PRDM9: variants seen among roughly 807,000 people sequenced by gnomAD.
The protein encoded by PRDM9 is histone-lysine N-methyltransferase PRDM9.
PRDM9 carries 47 observed loss-of-function variants against 55.6 expected under a neutral mutation model. The observed-to-expected ratio is 0.85, with a 90% confidence interval of 0.67 to 1.08. PRDM9 has a LOEUF of 1.08. PRDM9 is among the 50% of genes least tolerant of loss of function. The pLI, the probability that PRDM9 is intolerant of heterozygous loss-of-function variation, is 0.00. For synonymous variants in PRDM9, 312 were observed against 375.7 expected, an observed-to-expected ratio of 0.83 and a Z score of 1.96; for missense variants, 867 against 1,040.3, an observed-to-expected ratio of 0.83 and a Z score of 2.29.
Position 23,524,338 on chromosome 5 carries a change from G to A in PRDM9, c.955G>A (p.Val319Met). 6.2e-7 allele frequency: 1 copy of A among 1,613,836 alleles called. No homozygotes were observed. Among genetic ancestry groups the A allele is most frequent in the Middle Eastern group, 1.6e-4 (1 of 6,062 alleles). ...CTTTGCCTGCCTTGACCCCAGGTAT[G>A]TGAACTGTGCCCGGGATGATGAAGA... ...DKSWANWMRYVNCARDDEEQN... is the reference protein window; with the variant it reads ...DKSWANWMRYMNCARDDEEQN... Residue 319 changes from valine (V) to methionine (M), a missense_variant, in exon 10 of 11, where the codon GTG becomes ATG. Physicochemically the swap from Val to Met is conservative, Grantham distance 21. Coordinates refer to ENST00000296682, the MANE Select transcript of PRDM9 (RefSeq NM_020227.4).
rs749571211 is a variant in PRDM9, at chr5:23,526,634, G to C, written c.1546G>C (p.Val516Leu). Residue 516 changes from valine (V) to leucine (L), a missense_variant, in exon 11 of 11, where the codon GTA becomes CTA. Coordinates refer to ENST00000296682, the MANE Select transcript of PRDM9 (RefSeq NM_020227.4). The part of the protein sequence containing the change: ...PGNTGKLFVG[V>L]GISRIAKVKY... Reference sequence around the variant, plus strand: ...GAACACAGGCAAATTATTTGTGGGGGTAGGAATCTCAAGAATTGCAAAAGT... The same window carrying C: ...GAACACAGGCAAATTATTTGTGGGGCTAGGAATCTCAAGAATTGCAAAAGT... 2 of 1,614,240 alleles carry C rather than the reference G, an allele frequency of 1.2e-6. No individual in the cohort carries two copies. Among genetic ancestry groups the C allele is most frequent in the Non-Finnish European group, 1.7e-6 (2 of 1,180,052 alleles).
rs147608831 is a variant in PRDM9 at position 23,516,617 on chromosome 5, G to A, written c.302-1264G>A. Among the ~76,000 whole-genome samples the A allele has an allele frequency of 3.7e-3, 561 of 151,516 alleles. 3 individuals are homozygous for A. Among genetic ancestry groups the A allele is most frequent in the African/African-American group, 0.013 (527 of 41,344 alleles). ...TCGATCTCCTGACCTCGTGATCTGC[G>A]CACCTCAACCTCCCAAAGTGCTGAG... On this transcript the variant is annotated intron_variant, in intron 4 of 10. Transcript: ENST00000296682.
At chr5:23,512,060 C>T (rs908870932) in intron 4 of PRDM9, among the ~76,000 whole-genome samples, 6 of 151,066 alleles carry the variant, frequency 4.0e-5, no homozygotes, top group African/African-American at 1.5e-4. Context: ...TGTAAATCCA[C>T]GAAAAAGCTT....
chr5:23,524,231 A>G, intron 9 of PRDM9, 103 bp from the exon 10 acceptor site: 1 of 1,441,146 alleles, frequency 6.9e-7, no homozygotes, highest in Middle Eastern at 1.7e-4. Flanking sequence ...AGTGGTCAGC[A>G]CTAGACCATG....
intron 4 of PRDM9, among the ~76,000 whole-genome samples, chr5:23,513,765 G>C (rs1579589621): frequency 1.3e-5 from 2 of 152,048 alleles, no homozygotes; most frequent in Admixed American, 1.3e-4. Flanking sequence ...TATAATCCCA[G>C]CTACTCGGTA....
At chr5:23,516,466 T>TCGTG (rs1739211833) in intron 4 of PRDM9, among the ~76,000 whole-genome samples, 1 of 148,830 alleles carries the variant, frequency 6.7e-6, no homozygotes, top group Non-Finnish European at 1.5e-5. Flanking sequence ...TCCACTTCCC[T>TCGTG]GGTTCACGCC....
intron 4 of PRDM9, among the ~76,000 whole-genome samples, chr5:23,513,307 T>A (rs2973617): frequency 0.099 from 15,015 of 152,172 alleles, 1,485 homozygotes; most frequent in African/African-American, 0.26. Context: ...GTAACAGTAT[T>A]AAGAGGTGGA....
chr5:23,510,377 T>C (rs2126407632), intron 4 of PRDM9, among the ~76,000 whole-genome samples: 1 of 151,806 alleles, frequency 6.6e-6, no homozygotes, highest in Non-Finnish European at 1.5e-5. Flanking sequence ...TATTTTTTAT[T>C]TTTTTGAGAC....
At chr5:23,510,121 C>G in intron 4 of PRDM9, 94 bp downstream of exon 4, 1 of 1,227,910 alleles carries the variant, frequency 8.1e-7, no homozygotes, top group African/African-American at 1.6e-5. Context: ...ATGGCATGAT[C>G]TTGGCTCACT....
chr5:23,522,930 C>T (rs756684819), intron 8 of PRDM9, 45 bp downstream of exon 8: 2 of 1,614,064 alleles, frequency 1.2e-6, no homozygotes, highest in East Asian at 2.2e-5. Context: ...TCCCACATCC[C>T]TTCTGTGCCT....
intron 10 of PRDM9, among the ~76,000 whole-genome samples, chr5:23,524,921 T>C (rs750632260): frequency 2.6e-5 from 4 of 152,230 alleles, no homozygotes; most frequent in African/African-American, 9.6e-5. Context: ...TTAGCTGTCA[T>C]GTGAATTCCT....
intron 8 of PRDM9, 54 bp downstream of exon 8, chr5:23,522,939 C>T: frequency 6.2e-7 from 1 of 1,613,624 alleles, no homozygotes; most frequent in East Asian, 2.2e-5. Context: ...CCTTCTGTGC[C>T]TTTGGTGGGG....
At chr5:23,523,586 G>T (rs1439782775) in intron 9 of PRDM9, among the ~76,000 whole-genome samples, 1 of 152,032 alleles carries the variant, frequency 6.6e-6, no homozygotes, top group Non-Finnish European at 1.5e-5. Context: ...CAAAATTGAG[G>T]CACCAAGATA....
intron 4 of PRDM9, among the ~76,000 whole-genome samples, chr5:23,511,853 T>C (rs1385687761): frequency 1.3e-5 from 2 of 152,134 alleles, no homozygotes; most frequent in East Asian, 3.8e-4. Flanking sequence ...AATTTTGAAA[T>C]ACACATAAAA....
At chr5:23,518,221 G>T (rs1739254586) in intron 5 of PRDM9, among the ~76,000 whole-genome samples, 1 of 152,122 alleles carries the variant, frequency 6.6e-6, no homozygotes, top group East Asian at 1.9e-4. Context: ...TTAAGTAGAT[G>T]TTGTAACTAT....
intron 4 of PRDM9, among the ~76,000 whole-genome samples, chr5:23,515,992 T>A (rs1195370605): frequency 1.3e-5 from 2 of 152,262 alleles, no homozygotes; most frequent in African/African-American, 4.8e-5. Flanking sequence ...TCAGCTATTC[T>A]GAGTCCTTAG....
At chr5:23,508,922 C>G in intron 1 of PRDM9, 28 bp from the exon 2 acceptor site, 2 of 1,302,122 alleles carry the variant, frequency 1.5e-6, no homozygotes, top group Non-Finnish European at 2.2e-6. Context: ...GGGCTGTTGC[C>G]CCCTCTCAGC....
chr5:23,510,557 C>T (rs183151992), intron 4 of PRDM9, among the ~76,000 whole-genome samples: 94 of 151,686 alleles, frequency 6.2e-4, no homozygotes, highest in Non-Finnish European at 1.2e-3. Flanking sequence ...GGGGTTTCAC[C>T]ATGTTGGCCA....
At chr5:23,519,872 C>T (rs1561019550) in intron 5 of PRDM9, among the ~76,000 whole-genome samples, 1 of 151,070 alleles carries the variant, frequency 6.6e-6, no homozygotes, top group Non-Finnish European at 1.5e-5. Context: ...GGTGAAACCC[C>T]ATCTCTACTA....
Sources: allele counts gnomAD v4.1 joint callset (sites outside exome capture counted in the v4.1 genomes callset), GRCh38; gene constraint gnomAD v4.1.1; transcripts MANE v1.5; gene names NCBI Gene and HGNC (gene_info 2026-07-23, HGNC 2026-07-21).